RNLS: variants seen among roughly 807,000 people sequenced by gnomAD.
RNLS encodes renalase, FAD dependent amine oxidase.
Under a neutral mutation model 39.8 loss-of-function variants are expected in RNLS, and 39 were observed. The ratio of observed to expected loss-of-function variants is 0.98; its 90% CI spans 0.76 to 1.28. The LOEUF is 1.28. Ranked by LOEUF, RNLS falls within the 50% of genes most tolerant of loss-of-function variation. RNLS has a pLI of 0.00. For missense variants in RNLS, 410 were observed against 413.3 expected, an observed-to-expected ratio of 0.99 and a Z score of 0.07; for synonymous variants, 147 against 150.7, an observed-to-expected ratio of 0.98 and a Z score of 0.18.
At chr10:88,232,209 G>C in the RNLS span, among the ~76,000 whole-genome samples, 3 of 152,162 alleles carry the variant, frequency 2.0e-5, no homozygotes, top group African/African-American at 7.2e-5. Context: ...GGCAGGGGCA[G>C]GGGATCTGAT....
chr10:88,276,336 A>G (rs565636290), intron 6 of RNLS, among the ~76,000 whole-genome samples: 1 of 152,034 alleles, frequency 6.6e-6, no homozygotes, highest in Non-Finnish European at 1.5e-5. Context: ...TAATTTCTAG[A>G]ACTTCTTTTG....
At chr10:88,355,440 C>T (rs1220310227) in intron 5 of RNLS, among the ~76,000 whole-genome samples, 3 of 152,170 alleles carry the variant, frequency 2.0e-5, no homozygotes, top group South Asian at 2.1e-4. Flanking sequence ...ACAGTCAGGA[C>T]CCTCAGCTGC....
intron 4 of RNLS, among the ~76,000 whole-genome samples, chr10:88,451,417 C>T (rs1057197389): frequency 5.9e-5 from 9 of 152,038 alleles, no homozygotes; most frequent in African/African-American, 1.9e-4. Flanking sequence ...CGTCTAGAGC[C>T]CAGGTTTTGG....
At chr10:88,234,295 ATT>A in the RNLS span, among the ~76,000 whole-genome samples, 1 of 151,936 alleles carries the variant, frequency 6.6e-6, no homozygotes, top group Non-Finnish European at 1.5e-5. Flanking sequence ...CATTCTTGGC[ATT>A]GAGACTCTCA....
Position 88,511,963 on chromosome 10 carries a change from C to A in RNLS, c.526+60940G>T, listed in dbSNP as rs116077448. On this transcript the variant is annotated intron_variant, in intron 4 of 6. Coordinates refer to ENST00000331772, the MANE Select transcript of RNLS (RefSeq NM_001031709.3). ...ATGCACAATAATTTATTTAAACAAA[C>A]TGCTATTGTGGATATTTAAGTTGTT... Among the ~76,000 whole-genome samples the A allele has an allele frequency of 2.0e-3, 298 of 152,214 alleles. 1 individual carries two copies. The highest frequency in any genetic ancestry group is 6.9e-3 in the African/African-American group (287 of 41,558).
chr10:88,299,499 C>T (rs1054038899), intron 6 of RNLS, among the ~76,000 whole-genome samples: 1 of 152,148 alleles, frequency 6.6e-6, no homozygotes. Flanking sequence ...GTGGCGTGCG[C>T]CTGTAATCCC....
rs57598016 is a variant in RNLS at position 88,342,539 on chromosome 10, A to G, written c.700+20013T>C. On this transcript the variant is annotated intron_variant, in intron 5 of 6. Transcript: ENST00000331772. ...CTATGTGCCAGGTGCTAGAGATACAATGATATCCAATTTCTTAATTCATGG... is the reference window on the plus strand; with the variant it reads ...CTATGTGCCAGGTGCTAGAGATACAGTGATATCCAATTTCTTAATTCATGG... Among the ~76,000 whole-genome samples the G allele has an allele frequency of 3.9e-3, 599 of 152,304 alleles. 2 individuals are homozygous for G. The highest frequency in any genetic ancestry group is 0.012 in the African/African-American group (513 of 41,578).
chr10:88,545,886 C>A (rs2134307028), intron 4 of RNLS, among the ~76,000 whole-genome samples: 1 of 152,072 alleles, frequency 6.6e-6, no homozygotes, highest in East Asian at 1.9e-4. Flanking sequence ...AATGGAAATT[C>A]TAAGTAAACA....
intron 6 of RNLS, 151 bp from the exon 7 acceptor site, chr10:88,285,657 A>C: frequency 1.5e-6 from 1 of 650,132 alleles, no homozygotes; most frequent in South Asian, 2.1e-5. Context: ...CACACAAGAA[A>C]CAAAAAACAA....
the RNLS span, among the ~76,000 whole-genome samples, chr10:88,193,945 C>T: frequency 2.8e-4 from 43 of 152,290 alleles, no homozygotes; most frequent in African/African-American, 1.0e-3. Context: ...ATTTATTTCG[C>T]ATTGGTCATC....
At chr10:88,193,121 C>A in the RNLS span, among the ~76,000 whole-genome samples, 1 of 152,154 alleles carries the variant, frequency 6.6e-6, no homozygotes, top group African/African-American at 2.4e-5. Flanking sequence ...ACAGGACCTG[C>A]AAACAATCAC....
rs886480064 is a variant in RNLS at position 88,470,857 on chromosome 10, A to G, written c.526+102046T>C. Among the ~76,000 whole-genome samples the G allele has an allele frequency of 3.9e-5, 6 of 151,934 alleles. No individual in the cohort carries two copies. The South Asian group carries it at 1.2e-3, about 32-fold the overall frequency. ...TCTCAAACTCCTGACCTTGTGATCC[A>G]CCCGCCTCGGCCTCCCAAAGTGCTG... On this transcript the variant is annotated intron_variant, in intron 4 of 6. Transcript: ENST00000331772.
At chr10:88,304,221 G>A (rs1442091135) in intron 6 of RNLS, among the ~76,000 whole-genome samples, 1 of 152,192 alleles carries the variant, frequency 6.6e-6, no homozygotes, top group Non-Finnish European at 1.5e-5. Context: ...AAAGATTGAA[G>A]ATAGATAAGC....
At chr10:88,418,259 G>A (rs1431438284) in intron 4 of RNLS, among the ~76,000 whole-genome samples, 1 of 151,996 alleles carries the variant, frequency 6.6e-6, no homozygotes, top group Non-Finnish European at 1.5e-5. Flanking sequence ...GGTAAGTAAG[G>A]ATAACTAACT....
the RNLS span, among the ~76,000 whole-genome samples, chr10:88,202,528 G>T: frequency 6.6e-6 from 1 of 152,154 alleles, no homozygotes; most frequent in East Asian, 1.9e-4. Flanking sequence ...CCCCTTGTGA[G>T]GGGACTCAGT....
At chr10:88,244,363 TAGG>T in the RNLS span, among the ~76,000 whole-genome samples, 2 of 152,302 alleles carry the variant, frequency 1.3e-5, no homozygotes, top group East Asian at 3.9e-4. Context: ...GGGGGCTTAT[TAGG>T]AGGCAACGCC....
At chr10:88,299,001 T>C (rs1376918319) in intron 6 of RNLS, among the ~76,000 whole-genome samples, 1 of 152,252 alleles carries the variant, frequency 6.6e-6, no homozygotes, top group Non-Finnish European at 1.5e-5. Flanking sequence ...CAATGTTTTG[T>C]AGTTTTCAGT....
the RNLS span, among the ~76,000 whole-genome samples, chr10:88,230,826 G>A: frequency 6.6e-6 from 1 of 152,154 alleles, no homozygotes; most frequent in Non-Finnish European, 1.5e-5. Context: ...AGAAGTCTAT[G>A]GGATTGATAC....
downstream of RNLS, chr10:88,273,806 T>A (rs1842716543): frequency 6.6e-6 from 1 of 152,148 alleles, no homozygotes; most frequent in African/African-American, 2.4e-5. Flanking sequence ...GTCATTTTAA[T>A]CCCTGATTAG....
Sources: gnomAD v4.1 joint callset for allele counts (sites outside exome capture counted in the v4.1 genomes callset) on GRCh38, gnomAD v4.1.1 for gene constraint, MANE v1.5 for transcripts, NCBI Gene and HGNC (gene_info 2026-07-23, HGNC 2026-07-21) for gene names.